FRYL: variants seen among roughly 807,000 people sequenced by gnomAD.
The protein encoded by FRYL is protein furry homolog-like.
A neutral mutation model predicts 351.2 loss-of-function variants in FRYL; 150 were observed. The ratio of observed to expected loss-of-function variants is 0.43; its 90% CI spans 0.37 to 0.49. The LOEUF (loss-of-function observed/expected upper bound fraction) is 0.49, where lower values mean the gene tolerates loss of function less well. Among genes scored for constraint, FRYL ranks in the 20% least tolerant of loss-of-function variants. FRYL has a pLI of 0.00. For synonymous variants in FRYL, 1,153 were observed against 1,257.1 expected (o/e 0.92, Z 1.75); for missense variants, 3,036 against 3,619.3 (o/e 0.84, Z 4.13).
In FRYL at chr4:48,551,482, A is replaced by C; in HGVS notation, c.4520+12T>G. 6.6e-7 allele frequency: 1 copy of C among 1,522,294 alleles called. No homozygotes were observed. The highest frequency in any genetic ancestry group is 1.2e-5 in the South Asian group (1 of 86,916). The allele number at this position is 1,522,294 out of a possible 1,614,324, so 94.3% of individuals were successfully genotyped here. ...AAACTGAAAGGCTAATACAGAACAGAGAAGTACTTACCTCTCTTCAATATT... is the reference window on the plus strand; with the variant it reads ...AAACTGAAAGGCTAATACAGAACAGCGAAGTACTTACCTCTCTTCAATATT... On this transcript the variant is annotated intron_variant, in intron 37 of 63. Coordinates refer to ENST00000358350, the MANE Select transcript of FRYL (RefSeq NM_015030.2).
intron 1 of FRYL, among the ~76,000 whole-genome samples, chr4:48,717,690 G>A (rs1205607739): frequency 6.6e-6 from 1 of 151,366 alleles, no homozygotes; most frequent in African/African-American, 2.4e-5. Flanking sequence ...GCAGGAGCAT[G>A]CCACCATGTC....
rs141484053 is a variant in FRYL, at chr4:48,518,945, G to A, written c.7689+2103C>T. On this transcript the variant is annotated intron_variant, in intron 55 of 63. Transcript: ENST00000358350. Reference sequence around the variant, plus strand: ...CCTTTGTCTGTGTCACAGTTGCCACGGGCCCCGTGCCTAGCCTAGTGCCTA... The same window carrying A: ...CCTTTGTCTGTGTCACAGTTGCCACAGGCCCCGTGCCTAGCCTAGTGCCTA... 6.8e-4 allele frequency among the ~76,000 whole-genome samples: 103 copies of A among 152,310 alleles called. 1 individual carries two copies. The East Asian group carries it at 0.014, about 21-fold the overall frequency.
intron 49 of FRYL, among the ~76,000 whole-genome samples, chr4:48,533,289 GAAGAA>G (rs1414383762): frequency 6.6e-6 from 1 of 151,688 alleles, no homozygotes; most frequent in East Asian, 1.9e-4. Context: ...TAAGGCTTAA[GAAGAA>G]AAGAGAAATG....
At position 48,761,003 on chromosome 4, in the gene FRYL, CTGTCTGTGTGTGTGTGTGTG is replaced by C. The variant is rs1237136186; in HGVS notation, c.-384+19055_-384+19074del. On this transcript the variant is annotated intron_variant, in intron 1 of 63. Transcript: ENST00000358350. ...ACCCTCGCTACTCTCTATTATTACTCTGTCTGTGTGTGTGTGTGTGTGTGTGTGTGTGTGTGTGTGTGTGT... is the reference window on the plus strand; with the variant it reads ...ACCCTCGCTACTCTCTATTATTACTCTGTGTGTGTGTGTGTGTGTGTGTGT... Among the ~76,000 whole-genome samples, 230 of 121,688 alleles carry C rather than the reference CTGTCTGTGTGTGTGTGTGTG, an allele frequency of 1.9e-3. 1 individual carries two copies. Among genetic ancestry groups the C allele is most frequent in the African/African-American group, 7.0e-3 (218 of 30,966 alleles). 79.8% of individuals were successfully genotyped at this position (121,688 alleles called of 152,430 possible).
At chr4:48,512,330 G>GT in intron 57 of FRYL, 151 bp downstream of exon 57, 1 of 598,500 alleles carries the variant, frequency 1.7e-6, no homozygotes. Context: ...CAATGTCACA[G>GT]TGTCAATGTA....
intron 53 of FRYL, among the ~76,000 whole-genome samples, chr4:48,527,185 T>C (rs1280526282): frequency 6.6e-6 from 1 of 152,206 alleles, no homozygotes; most frequent in African/African-American, 2.4e-5. Context: ...GCATATTAGT[T>C]TGTAAGACAA....
In FRYL at chr4:48,690,517, C is replaced by T. The variant is rs543908792; in HGVS notation, c.-203-5722G>A. 5.9e-5 allele frequency among the ~76,000 whole-genome samples: 9 copies of T among 152,162 alleles called. No homozygotes were observed. The South Asian group carries it at 1.9e-3, about 32-fold the overall frequency. Reference sequence around the variant, plus strand: ...TATAATTAAAGTCTCCAGAAGTTGCCTACAAAGTCTCTGGAAGATGATACG... The same window carrying T: ...TATAATTAAAGTCTCCAGAAGTTGCTTACAAAGTCTCTGGAAGATGATACG... On this transcript the variant is annotated intron_variant, in intron 2 of 63. Transcript: ENST00000358350.
At position 48,557,303 on chromosome 4, in the gene FRYL, A is replaced by G. The variant is rs918001395; in HGVS notation, c.4125+150T>C. On this transcript the variant is annotated intron_variant, in intron 34 of 63. Transcript: ENST00000358350. ...AATATAATTAATCATATATGGTTTT[A>G]GTAAAAAAAATTCATATCTAATGAG... is the stretch of plus-strand genomic sequence containing the variant. 3 of 1,205,172 alleles carry G rather than the reference A, an allele frequency of 2.5e-6. No individual in the cohort carries two copies. In the African/African-American group the frequency reaches 4.6e-5, roughly 19 times the overall value. 74.7% of individuals were successfully genotyped at this position (1,205,172 alleles called of 1,614,324 possible).
At chr4:48,698,962 C>G (rs1000654065) in intron 2 of FRYL, among the ~76,000 whole-genome samples, 6 of 152,166 alleles carry the variant, frequency 3.9e-5, no homozygotes, top group African/African-American at 1.4e-4. Flanking sequence ...ACAACAGCAG[C>G]AACGACTAAT....
intron 1 of FRYL, among the ~76,000 whole-genome samples, chr4:48,754,788 T>C (rs1773608859): frequency 6.6e-6 from 1 of 151,304 alleles, no homozygotes; most frequent in Non-Finnish European, 1.5e-5. Context: ...ACTACAGACA[T>C]GAGCCACCAT....
intron 36 of FRYL, among the ~76,000 whole-genome samples, chr4:48,552,246 T>G (rs748705180): frequency 1.8e-3 from 61 of 33,476 alleles, no homozygotes; most frequent in African/African-American, 3.0e-3. Flanking sequence ...TCCAAAGGGG[T>G]GTGTGTGTGT....
At chr4:48,593,725 C>G (rs1744020158) in intron 16 of FRYL, among the ~76,000 whole-genome samples, 1 of 152,032 alleles carries the variant, frequency 6.6e-6, no homozygotes, top group Non-Finnish European at 1.5e-5. Flanking sequence ...GCAACAAGAG[C>G]AAAACTCTGT....
Position 48,506,615 on chromosome 4 carries a change from AATATATATAT to A in FRYL, c.8395-1010_8395-1001del, listed in dbSNP as rs55736457. 6.1e-3 allele frequency: 434 copies of A among 71,542 alleles called. 1 individual carries two copies. The highest frequency in any genetic ancestry group is 0.013 in the African/African-American group (143 of 10,820). 4.4% of individuals were successfully genotyped at this position (71,542 alleles called of 1,614,324 possible). A position where few individuals can be genotyped will look rare whatever the true frequency, so the allele number is the denominator to read the frequency against. ...AATTATACTATTAAACAATACAACT[AATATATATAT>A]ATATATATATATATATATATATATA... On this transcript the variant is annotated intron_variant, in intron 59 of 63. Transcript: ENST00000358350.
chr4:48,579,327 G>T, intron 22 of FRYL, 86 bp from the exon 23 acceptor site: 1 of 1,068,622 alleles, frequency 9.4e-7, no homozygotes, highest in Non-Finnish European at 1.3e-6. Flanking sequence ...TGAAAGTGGT[G>T]TATTAGTAGT....
chr4:48,765,866 A>G (rs1341253324), intron 1 of FRYL, among the ~76,000 whole-genome samples: 3 of 152,252 alleles, frequency 2.0e-5, no homozygotes, highest in Non-Finnish European at 2.9e-5. Context: ...GAAGACATAC[A>G]AACAGACCAA....
At chr4:48,646,945 G>C (rs6834782) in intron 3 of FRYL, among the ~76,000 whole-genome samples, 19,946 of 152,086 alleles carry the variant, frequency 0.13, 1,738 homozygotes, top group Admixed American at 0.28. Context: ...CAAAGTCTAT[G>C]AACAGGAAAT....
chr4:48,698,301 C>G (rs911122028), intron 2 of FRYL, among the ~76,000 whole-genome samples: 3 of 152,214 alleles, frequency 2.0e-5, no homozygotes, highest in Non-Finnish European at 2.9e-5. Context: ...GTTCTTGCCT[C>G]TCTTTGAGAA....
intron 11 of FRYL, among the ~76,000 whole-genome samples, chr4:48,604,583 AG>A (rs1746363599): frequency 1.3e-5 from 2 of 152,324 alleles, no homozygotes; most frequent in Admixed American, 1.3e-4. Context: ...GAAACACAAA[AG>A]ATTTTCAGTG....
chr4:48,557,418 C>T (rs1734368875), intron 34 of FRYL, 35 bp downstream of exon 34: 3 of 1,608,842 alleles, frequency 1.9e-6, no homozygotes, highest in African/African-American at 2.7e-5. Flanking sequence ...CTCAATAATT[C>T]TGTGCAGCAA....
Sources: gnomAD v4.1 joint callset for allele counts (sites outside exome capture counted in the v4.1 genomes callset) on GRCh38, gnomAD v4.1.1 for gene constraint, MANE v1.5 for transcripts, NCBI Gene and HGNC (gene_info 2026-07-23, HGNC 2026-07-21) for gene names.